The following EXOC4 variants were observed in gnomAD, a reference collection of about 807,000 sequenced individuals.
The protein encoded by EXOC4 is exocyst complex component 4, also known as SEC8-like 1.
In EXOC4, 71 loss-of-function variants were observed where a neutral mutation model predicts 107.2. The observed-to-expected ratio is 0.66, with a 90% confidence interval of 0.55 to 0.81. EXOC4 has a LOEUF of 0.81. Among genes scored for constraint, EXOC4 ranks in the 30% least tolerant of loss-of-function variants. The pLI, the probability that EXOC4 is intolerant of heterozygous loss-of-function variation, is 0.00. For missense variants in EXOC4, 1,108 were observed against 1,189.6 expected (o/e 0.93, Z 1.01); for synonymous variants, 456 against 441.2 (o/e 1.03, Z -0.42).
chr7:133,305,575 T>C (rs954263662), intron 3 of EXOC4, among the ~76,000 whole-genome samples: 2 of 152,190 alleles, frequency 1.3e-5, no homozygotes, highest in African/African-American at 2.4e-5. Context: ...ATGTGAATGA[T>C]AGTATCATTT....
intron 1 of EXOC4, among the ~76,000 whole-genome samples, chr7:133,261,936 C>G (rs1055994782): frequency 3.3e-5 from 5 of 152,084 alleles, no homozygotes; most frequent in African/African-American, 1.2e-4. Context: ...TGATCAATAC[C>G]CAGCTGATGA....
intron 14 of EXOC4, among the ~76,000 whole-genome samples, chr7:133,979,279 C>T (rs1469498624): frequency 6.6e-6 from 1 of 152,010 alleles, no homozygotes; most frequent in Non-Finnish European, 1.5e-5. Context: ...TACTGTCTTA[C>T]CTTTACCACC....
chr7:134,010,734 G>A (rs908048206), intron 17 of EXOC4, among the ~76,000 whole-genome samples: 6 of 152,270 alleles, frequency 3.9e-5, no homozygotes, highest in South Asian at 2.1e-4. Flanking sequence ...ACTAGTTGCC[G>A]TGTGTCAGAA....
At chr7:133,909,404 C>T (rs145645012) in intron 12 of EXOC4, among the ~76,000 whole-genome samples, 138 of 152,232 alleles carry the variant, frequency 9.1e-4, no homozygotes, top group African/African-American at 3.2e-3. Context: ...TCAGGGAAGA[C>T]GCCGCAGAGG....
chr7:133,306,116 T>A, intron 4 of EXOC4, 55 bp downstream of exon 4: 5 of 1,374,986 alleles, frequency 3.6e-6, no homozygotes, highest in Non-Finnish European at 4.9e-6. Context: ...TTGGAAGGAA[T>A]ATTTTTTGTT....
At chr7:133,784,160 G>C (rs1036031015) in intron 10 of EXOC4, among the ~76,000 whole-genome samples, 3 of 151,802 alleles carry the variant, frequency 2.0e-5, no homozygotes, top group African/African-American at 7.3e-5. Context: ...GCTTCTCTTT[G>C]CTCATATTTT....
chr7:133,659,847 C>A (rs1340016451), intron 10 of EXOC4, among the ~76,000 whole-genome samples: 1 of 152,168 alleles, frequency 6.6e-6, no homozygotes, highest in East Asian at 1.9e-4. Flanking sequence ...CCTGACAAAC[C>A]CTCTTTGCTT....
chr7:134,073,395 C>T, the EXOC4 span, among the ~76,000 whole-genome samples: 1 of 151,740 alleles, frequency 6.6e-6, no homozygotes, highest in East Asian at 1.9e-4. Flanking sequence ...GCCGACTGCC[C>T]TCAGTGTCTG....
intron 17 of EXOC4, among the ~76,000 whole-genome samples, chr7:134,018,839 C>T (rs1794965629): frequency 6.6e-6 from 1 of 151,882 alleles, no homozygotes; most frequent in Non-Finnish European, 1.5e-5. Context: ...TAATAGACTA[C>T]CTGTCAGCAA....
At chr7:133,391,382 C>T (rs941826413) in intron 7 of EXOC4, among the ~76,000 whole-genome samples, 4 of 152,220 alleles carry the variant, frequency 2.6e-5, no homozygotes, top group East Asian at 1.9e-4. Flanking sequence ...AAAAAGCCAA[C>T]GCTATTTTTG....
At chr7:133,462,802 G>T (rs1798625699) in intron 7 of EXOC4, among the ~76,000 whole-genome samples, 1 of 152,148 alleles carries the variant, frequency 6.6e-6, no homozygotes, top group African/African-American at 2.4e-5. Context: ...GCCTTTGGGA[G>T]TTATTTAAGA....
At chr7:133,903,178 C>T (rs1799493625) in intron 12 of EXOC4, among the ~76,000 whole-genome samples, 1 of 152,138 alleles carries the variant, frequency 6.6e-6, no homozygotes, top group African/African-American at 2.4e-5. Context: ...TGAAGGATCA[C>T]CAAGAGGGAA....
intron 14 of EXOC4, among the ~76,000 whole-genome samples, chr7:133,989,929 C>T (rs540267145): frequency 1.1e-4 from 17 of 152,162 alleles, no homozygotes; most frequent in Non-Finnish European, 1.6e-4. Context: ...CAAGTGGTAC[C>T]GCAAGCTTCT....
intron 10 of EXOC4, among the ~76,000 whole-genome samples, chr7:133,797,398 T>C (rs1312895872): frequency 6.6e-6 from 1 of 152,212 alleles, no homozygotes; most frequent in African/African-American, 2.4e-5. Flanking sequence ...ATCATTAGAC[T>C]GGTACTCTTC....
chr7:133,375,039 G>C (rs1267172676), intron 7 of EXOC4, 37 bp downstream of exon 7: 3 of 1,568,046 alleles, frequency 1.9e-6, no homozygotes, highest in East Asian at 2.3e-5. Context: ...TCTTGATTCA[G>C]AGTAACAGTT....
At chr7:133,504,222 C>A (rs534645966) in intron 9 of EXOC4, among the ~76,000 whole-genome samples, 313 of 152,000 alleles carry the variant, frequency 2.1e-3, no homozygotes, top group Non-Finnish European at 3.4e-3. Context: ...ATTAACATCA[C>A]AGGTAGGCAG....
At chr7:133,985,394 C>T (rs975073847) in intron 14 of EXOC4, among the ~76,000 whole-genome samples, 2 of 152,144 alleles carry the variant, frequency 1.3e-5, no homozygotes, top group African/African-American at 2.4e-5. Context: ...TACACCTGCT[C>T]CAAGAATTAA....
intron 17 of EXOC4, among the ~76,000 whole-genome samples, chr7:134,053,220 A>G (rs1407403937): frequency 6.7e-6 from 1 of 149,448 alleles, no homozygotes; most frequent in Non-Finnish European, 1.5e-5. Context: ...CCTGGACGAC[A>G]GAGCGAAACT....
At chr7:134,076,345 G>A in the EXOC4 span, among the ~76,000 whole-genome samples, 13 of 152,080 alleles carry the variant, frequency 8.5e-5, no homozygotes, top group East Asian at 1.9e-4. Context: ...GTGAAACCCC[G>A]TCTCTACTAA....
Sources: allele counts gnomAD v4.1 joint callset (sites outside exome capture counted in the v4.1 genomes callset), GRCh38; gene constraint gnomAD v4.1.1; transcripts MANE v1.5; gene names NCBI Gene and HGNC (gene_info 2026-07-23, HGNC 2026-07-21).